Variants in TRAPPC12 observed in about 807,000 individuals in gnomAD.
TRAPPC12 encodes TPR repeat protein 15.
A neutral mutation model predicts 69.2 loss-of-function variants in TRAPPC12; 61 were observed. The observed-to-expected ratio is 0.88, with a 90% CI of 0.72 to 1.09. The LOEUF is 1.09. TRAPPC12 is among the 50% of genes least tolerant of loss of function. The pLI is 0.00. For synonymous variants in TRAPPC12, 469 were observed against 438.9 expected (o/e 1.07, Z -0.86); for missense variants, 1,101 against 1,016.4 (o/e 1.08, Z -1.13).
intron 5 of TRAPPC12, among the ~76,000 whole-genome samples, chr2:3,436,453 TAG>T (rs1663782122): frequency 6.6e-6 from 1 of 152,128 alleles, no homozygotes; most frequent in African/African-American, 2.4e-5. Context: ...AAAAATCGAG[TAG>T]AGAGTTCTAT....
At chr2:3,461,176 C>T (rs563857432) in intron 8 of TRAPPC12, among the ~76,000 whole-genome samples, 2 of 152,350 alleles carry the variant, frequency 1.3e-5, no homozygotes, top group African/African-American at 2.4e-5. Context: ...ACTGTGCTCA[C>T]GGGCTCTGTC....
intron 6 of TRAPPC12, among the ~76,000 whole-genome samples, chr2:3,444,297 T>C (rs1327501171): frequency 2.0e-5 from 3 of 152,264 alleles, no homozygotes; most frequent in African/African-American, 7.2e-5. Flanking sequence ...TGGTTTAAGC[T>C]TTCAAATCCA....
At chr2:3,454,414 G>A (rs1467580649) in intron 6 of TRAPPC12, among the ~76,000 whole-genome samples, 2 of 150,978 alleles carry the variant, frequency 1.3e-5, no homozygotes, top group South Asian at 2.1e-4. Context: ...AGGTGGGTCT[G>A]GAGGGGTGTA....
chr2:3,456,886 T>C (rs995886767), intron 6 of TRAPPC12: 7 of 323,636 alleles, frequency 2.2e-5, no homozygotes, highest in South Asian at 9.3e-5. Context: ...CCCAGAAGTG[T>C]TGGGATTACA....
intron 9 of TRAPPC12, among the ~76,000 whole-genome samples, chr2:3,473,162 G>T (rs753544637): frequency 6.7e-6 from 1 of 150,204 alleles, no homozygotes; most frequent in Non-Finnish European, 1.5e-5. Context: ...GCAGGCCCTC[G>T]GGTTCTGCAG....
intron 8 of TRAPPC12, among the ~76,000 whole-genome samples, chr2:3,465,302 G>A (rs557344574): frequency 6.6e-6 from 1 of 152,334 alleles, no homozygotes; most frequent in Non-Finnish European, 1.5e-5. Flanking sequence ...CTGTTTAGAA[G>A]ATGGAAGCAG....
chr2:3,424,792 G>A, intron 5 of TRAPPC12, 129 bp downstream of exon 5: 1 of 1,036,654 alleles, frequency 9.6e-7, no homozygotes, highest in Non-Finnish European at 1.4e-6. Context: ...TAAGTACCCA[G>A]CAACAAGCCT....
intron 5 of TRAPPC12, among the ~76,000 whole-genome samples, chr2:3,426,172 C>T (rs1339292317): frequency 6.6e-6 from 1 of 152,186 alleles, no homozygotes; most frequent in African/African-American, 2.4e-5. Context: ...ATTGTTTCTT[C>T]CTTCTGACTA....
At chr2:3,411,137 G>GT (rs1240351054) in intron 3 of TRAPPC12, among the ~76,000 whole-genome samples, 2 of 152,174 alleles carry the variant, frequency 1.3e-5, no homozygotes, top group Middle Eastern at 3.2e-3. Context: ...AAATCCTTTT[G>GT]TTTTTCAGAA....
At position 3,424,485 on chromosome 2, in the gene TRAPPC12, A is replaced by G. The variant is rs755658619; in HGVS notation, c.1279-40A>G. 8.1e-6 allele frequency: 13 copies of G among 1,598,174 alleles called. No homozygotes were observed. In the Admixed American group the frequency reaches 1.1e-4, roughly 13 times the overall value. On this transcript the variant is annotated intron_variant, in intron 4 of 11. Transcript: ENST00000324266. Reference sequence around the variant, plus strand: ...GAATAGCAAATTCTGAACTGGATATATGTAGATAACCTATTGTTTCCATTG... The same window carrying G: ...GAATAGCAAATTCTGAACTGGATATGTGTAGATAACCTATTGTTTCCATTG...
chr2:3,413,085 CT>C (rs1200382898), intron 3 of TRAPPC12, among the ~76,000 whole-genome samples: 1 of 152,190 alleles, frequency 6.6e-6, no homozygotes, highest in East Asian at 1.9e-4. Context: ...CTCCGGGTTA[CT>C]GGTAGAACTT....
At chr2:3,422,133 A>G (rs1662834632) in intron 4 of TRAPPC12, 139 bp downstream of exon 4, 2 of 711,392 alleles carry the variant, frequency 2.8e-6, no homozygotes, top group Admixed American at 5.2e-5. Flanking sequence ...TATATTGTAT[A>G]TACTATACTG....
intron 2 of TRAPPC12, among the ~76,000 whole-genome samples, chr2:3,392,383 G>A (rs140716745): frequency 4.6e-5 from 7 of 152,198 alleles, no homozygotes; most frequent in Non-Finnish European, 8.8e-5. Flanking sequence ...ACCTGCAAAT[G>A]GATAATTTCA....
rs187208475 is a variant in TRAPPC12, at chr2:3,400,721, A to G, written c.1048-1056A>G. ...AGCACTGAGGCCTGTGGACTGTGACAGTTTTCTCTGCACTGTTGGGATGAC... is the reference window on the plus strand; with the variant it reads ...AGCACTGAGGCCTGTGGACTGTGACGGTTTTCTCTGCACTGTTGGGATGAC... On this transcript the variant is annotated intron_variant, in intron 2 of 11. Coordinates refer to ENST00000324266, the MANE Select transcript of TRAPPC12 (RefSeq NM_016030.6). Among the ~76,000 whole-genome samples the G allele has an allele frequency of 1.7e-3, 262 of 152,206 alleles. 3 individuals are homozygous for G. The highest frequency in any genetic ancestry group is 3.0e-3 in the Non-Finnish European group (205 of 68,014).
At chr2:3,465,497 C>T in intron 8 of TRAPPC12, 100 bp from the exon 9 acceptor site, 1 of 816,146 alleles carries the variant, frequency 1.2e-6, no homozygotes, top group Non-Finnish European at 2.1e-6. Context: ...AGCGTGTCCT[C>T]TCTCTACACC....
rs115866189 is a variant in TRAPPC12 at position 3,468,539 on chromosome 2, G to A, written c.1776+2844G>A. ...GGGACATGCCAGGAGCGCTGTAAGCGTAACTTGCTGTCTTTCCTATGTCTT... is the reference window on the plus strand; with the variant it reads ...GGGACATGCCAGGAGCGCTGTAAGCATAACTTGCTGTCTTTCCTATGTCTT... On this transcript the variant is annotated intron_variant, in intron 9 of 11. Transcript: ENST00000324266. 7.3e-3 allele frequency among the ~76,000 whole-genome samples: 1,107 copies of A among 152,266 alleles called. 12 individuals carry two copies. The highest frequency in any genetic ancestry group is 0.026 in the African/African-American group (1,062 of 41,562).
rs552486267 is a variant in TRAPPC12, at chr2:3,438,397, G to A, written c.1418-5382G>A. Among the ~76,000 whole-genome samples the A allele has an allele frequency of 3.2e-3, 339 of 105,246 alleles. 3 individuals are homozygous for A. The highest frequency in any genetic ancestry group is 4.4e-3 in the Non-Finnish European group (245 of 55,230). The allele number at this position is 105,246 out of a possible 152,430, so 69.0% of individuals were successfully genotyped here. A position where few individuals can be genotyped will look rare whatever the true frequency, so the allele number is the denominator to read the frequency against. ...CCTGGATTGATCCCCCATCACCCCTGGATTAATCCCCCATCACGCCTGGAT... is the reference window on the plus strand; with the variant it reads ...CCTGGATTGATCCCCCATCACCCCTAGATTAATCCCCCATCACGCCTGGAT... On this transcript the variant is annotated intron_variant, in intron 5 of 11. Coordinates refer to ENST00000324266, the MANE Select transcript of TRAPPC12 (RefSeq NM_016030.6).
intron 10 of TRAPPC12, chr2:3,478,155 GT>G: frequency 5.8e-6 from 1 of 171,758 alleles, no homozygotes. Flanking sequence ...GGTGTTCTGT[GT>G]CTGGATCCCG....
intron 3 of TRAPPC12, among the ~76,000 whole-genome samples, chr2:3,402,614 A>G (rs1327737564): frequency 6.6e-6 from 1 of 152,220 alleles, no homozygotes; most frequent in East Asian, 1.9e-4. Flanking sequence ...AAAAATAAAA[A>G]AACATTAGTA....
Sources: gnomAD v4.1 joint callset for allele counts (sites outside exome capture counted in the v4.1 genomes callset) on GRCh38, gnomAD v4.1.1 for gene constraint, MANE v1.5 for transcripts, NCBI Gene and HGNC (gene_info 2026-07-23, HGNC 2026-07-21) for gene names.